The following ZC3H6 variants were observed in gnomAD, a reference collection of about 807,000 sequenced individuals.
ZC3H6 encodes the protein zinc finger CCCH domain-containing protein 6.
Under a neutral mutation model 107.7 loss-of-function variants are expected in ZC3H6, and 40 were observed. The observed-to-expected ratio is 0.37, with a 90% CI of 0.29 to 0.48. The LOEUF is 0.48. ZC3H6 is among the 20% of genes least tolerant of loss of function. The pLI is 0.98. For synonymous variants in ZC3H6, 493 were observed against 487.9 expected, an observed-to-expected ratio of 1.01 and a Z score of -0.14; for missense variants, 1,267 against 1,410.4, an observed-to-expected ratio of 0.90 and a Z score of 1.63.
intron 1 of ZC3H6, among the ~76,000 whole-genome samples, chr2:112,282,466 C>T (rs1686545152): frequency 6.6e-6 from 1 of 152,168 alleles, no homozygotes. Context: ...AAGTGCTTTA[C>T]ATGAATTGTT....
intron 1 of ZC3H6, among the ~76,000 whole-genome samples, chr2:112,288,893 A>G (rs1314123224): frequency 6.6e-6 from 1 of 151,572 alleles, no homozygotes; most frequent in African/African-American, 2.4e-5. Flanking sequence ...ACTATATTCC[A>G]CTCTCTCTTC....
In ZC3H6 at chr2:112,292,201, C is replaced by T. The variant is rs151033709; in HGVS notation, c.33-7648C>T. Among the ~76,000 whole-genome samples the T allele has an allele frequency of 1.5e-4, 23 of 152,250 alleles. 1 individual carries two copies. The East Asian group carries it at 4.4e-3, about 29-fold the overall frequency. On this transcript the variant is annotated intron_variant, in intron 1 of 11. Coordinates refer to ENST00000409871, the MANE Select transcript of ZC3H6 (RefSeq NM_198581.3). ...CACTTTTGAGTGCACAGACTGGGAA[C>T]CTGGCACAGTTTTAACAATCCCCTC...
At chr2:112,315,183 TTA>T (rs1676675001) in intron 5 of ZC3H6, among the ~76,000 whole-genome samples, 1 of 152,164 alleles carries the variant, frequency 6.6e-6, no homozygotes, top group Non-Finnish European at 1.5e-5. Flanking sequence ...ATGTTGTTTT[TTA>T]GAGTTGATGA....
intron 1 of ZC3H6, among the ~76,000 whole-genome samples, chr2:112,291,454 G>A (rs374681632): frequency 2.0e-5 from 3 of 152,174 alleles, no homozygotes; most frequent in Admixed American, 6.5e-5. Context: ...GGCTGGTCTC[G>A]AACTCCTGAC....
chr2:112,297,982 G>A (rs1298601313), intron 1 of ZC3H6, among the ~76,000 whole-genome samples: 1 of 152,152 alleles, frequency 6.6e-6, no homozygotes, highest in African/African-American at 2.4e-5. Context: ...GGATGTGATG[G>A]CGTGTGCCTG....
At position 112,303,290 on chromosome 2, in the gene ZC3H6, C is replaced by G. The variant is rs1170616728; in HGVS notation, c.275C>G (p.Thr92Arg). The change falls in exon 3 of 12, where the codon ACA (threonine) becomes AGA (arginine). Residue 92 changes from threonine (T) to arginine (R), a missense_variant. By Grantham distance (71) the Thr-to-Arg change is moderately conservative. Transcript: ENST00000409871. ...DYSLDSDVEH[T>R]ESSHKKRTGF... ...AGCCTTGATTCAGATGTTGAACATA[C>G]AGAAAGTTCCCATAAAAAAAGAACT... is the stretch of plus-strand genomic sequence containing the variant. The G allele has an allele frequency of 1.9e-6, 3 of 1,613,184 alleles. No individual in the cohort carries two copies. Among genetic ancestry groups the G allele is most frequent in the South Asian group, 2.2e-5 (2 of 91,032 alleles).
chr2:112,275,598 C>T lies in ZC3H6; in HGVS notation c.-397C>T. The T allele has an allele frequency of 5.0e-6, 2 of 401,382 alleles. No individual in the cohort carries two copies. The highest frequency in any genetic ancestry group is 8.8e-5 in the Admixed American group (2 of 22,736). The allele number at this position is 401,382 out of a possible 1,614,324, so 24.9% of individuals were successfully genotyped here. ...CCCGGGCAAGGTGTTGCGGCCGGCG[C>T]CATTTTCTCGAGCCGCCTGTTTCGG... On this transcript the variant is annotated 5_prime_UTR_variant, in exon 1 of 12. Coordinates refer to ENST00000409871, the MANE Select transcript of ZC3H6 (RefSeq NM_198581.3).
Position 112,338,284 on chromosome 2 carries a change from C to T in ZC3H6, c.*5796C>T. The T allele has an allele frequency of 6.6e-6, 1 of 152,204 alleles. No homozygotes were observed. The highest frequency in any genetic ancestry group is 1.5e-5 in the Non-Finnish European group (1 of 68,050). The allele number at this position is 152,204 out of a possible 1,614,324, so 9.4% of individuals were successfully genotyped here. A position where few individuals can be genotyped will look rare whatever the true frequency, so the allele number is the denominator to read the frequency against. On this transcript the variant is annotated 3_prime_UTR_variant, in exon 12 of 12. Transcript: ENST00000409871. ...TTTTAAAATAAATACTTAGTCCTAA[C>T]CTAGTGAATTATCAATAGCATTTAA...
intron 1 of ZC3H6, among the ~76,000 whole-genome samples, chr2:112,291,314 A>G (rs574767289): frequency 3.2e-4 from 48 of 152,310 alleles, no homozygotes; most frequent in Non-Finnish European, 5.3e-4. Context: ...GTTCACTGCA[A>G]TGTCTGTCTC....
intron 7 of ZC3H6, among the ~76,000 whole-genome samples, chr2:112,321,416 G>A (rs1573962995): frequency 6.6e-6 from 1 of 151,838 alleles, no homozygotes; most frequent in Admixed American, 6.6e-5. Flanking sequence ...AGAGAAAAAA[G>A]CTGTTTGAAT....
At position 112,322,141 on chromosome 2, in the gene ZC3H6, C is replaced by CTCCTTCCT. The variant is rs557338263; in HGVS notation, c.1086+281_1086+288dup. Reference sequence around the variant, plus strand: ...CCTCCTTCCCTCCTTCCCTCCTTCCCTCCTTCCTTCCTCCCTCCCTCCCTC... The same window carrying CTCCTTCCT: ...CCTCCTTCCCTCCTTCCCTCCTTCCCTCCTTCCTTCCTTCCTTCCTCCCTCCCTCCCTC... On this transcript the variant is annotated intron_variant, in intron 8 of 11. Coordinates refer to ENST00000409871, the MANE Select transcript of ZC3H6 (RefSeq NM_198581.3). Among the ~76,000 whole-genome samples the CTCCTTCCT allele has an allele frequency of 6.4e-3, 930 of 146,056 alleles. 5 individuals carry two copies. The highest frequency in any genetic ancestry group is 8.9e-3 in the Non-Finnish European group (588 of 66,130).
chr2:112,317,415 C>T, intron 7 of ZC3H6, 83 bp downstream of exon 7: 1 of 697,322 alleles, frequency 1.4e-6, no homozygotes, highest in East Asian at 3.2e-5. Flanking sequence ...ATAAATACAC[C>T]CTATAAAGCC....
rs1677049366 is a variant in ZC3H6, at chr2:112,332,215, C to G, written c.3297C>G (p.Pro1099=). 1 of 1,613,962 alleles carries G rather than the reference C, an allele frequency of 6.2e-7. No individual in the cohort carries two copies. Among genetic ancestry groups the G allele is most frequent in the Non-Finnish European group, 8.5e-7 (1 of 1,179,884 alleles). Residue 1099 remains proline, a synonymous_variant, in exon 12 of 12, where the codon CCC becomes CCG. Coordinates refer to ENST00000409871, the MANE Select transcript of ZC3H6 (RefSeq NM_198581.3). ...SPGEAILPQK[P]SPNVGVTLEG... ...GAGAAGCCATCCTTCCACAAAAACC[C>G]AGTCCAAACGTGGGAGTCACTCTTG...
At chr2:112,308,408 A>AT (rs1223712686) in intron 3 of ZC3H6, among the ~76,000 whole-genome samples, 22 of 140,552 alleles carry the variant, frequency 1.6e-4, no homozygotes, top group East Asian at 1.0e-3. Context: ...ATTTTATTTT[A>AT]TTTATTTATT....
chr2:112,319,604 C>T (rs1676763805), intron 7 of ZC3H6, among the ~76,000 whole-genome samples: 1 of 151,762 alleles, frequency 6.6e-6, no homozygotes, highest in South Asian at 2.1e-4. Context: ...CAAGATGGTG[C>T]CACTGCACTC....
Position 112,323,019 on chromosome 2 carries a change from T to C in ZC3H6, c.1340+117T>C, listed in dbSNP as rs372564919. The stretch of plus-strand genomic sequence containing the variant: ...TAAACTTGGTTAGAGATAGCACATA[T>C]CTGGCATGCACGCAGATTGTTGCTT... On this transcript the variant is annotated intron_variant, in intron 9 of 11. Coordinates refer to ENST00000409871, the MANE Select transcript of ZC3H6 (RefSeq NM_198581.3). The C allele has an allele frequency of 7.2e-6, 8 of 1,111,862 alleles. No individual in the cohort carries two copies. In the East Asian group the frequency reaches 9.7e-5, roughly 13 times the overall value. 68.9% of individuals were successfully genotyped at this position (1,111,862 alleles called of 1,614,324 possible).
intron 11 of ZC3H6, among the ~76,000 whole-genome samples, chr2:112,325,785 C>G (rs1191298753): frequency 6.6e-6 from 1 of 151,524 alleles, no homozygotes; most frequent in Non-Finnish European, 1.5e-5. Context: ...GTCATAGGCT[C>G]TATAATTAAG....
chr2:112,301,192 G>T (rs10864903), intron 2 of ZC3H6, among the ~76,000 whole-genome samples: 77,407 of 151,906 alleles, frequency 0.51, 21,898 homozygotes, highest in East Asian at 0.76. Context: ...ACTGGGAGGG[G>T]GCTGTGCTAT....
chr2:112,297,722 C>G (rs772617106), intron 1 of ZC3H6, among the ~76,000 whole-genome samples: 4 of 152,072 alleles, frequency 2.6e-5, no homozygotes, highest in Non-Finnish European at 5.9e-5. Context: ...TTTACAGATT[C>G]AAGTTGAGGA....
Sources: gnomAD v4.1 joint callset for allele counts (sites outside exome capture counted in the v4.1 genomes callset) on GRCh38, gnomAD v4.1.1 for gene constraint, MANE v1.5 for transcripts, NCBI Gene and HGNC (gene_info 2026-07-23, HGNC 2026-07-21) for gene names.